The following EPB41L4B variants were observed in gnomAD, a reference collection of about 807,000 sequenced individuals.
The protein encoded by EPB41L4B is band 4.1-like protein 4B.
A neutral mutation model predicts 112.5 loss-of-function variants in EPB41L4B; 30 were observed. That is an observed-to-expected ratio of 0.27 (90% confidence interval 0.20 to 0.36). The LOEUF is 0.36. Among genes scored for constraint, EPB41L4B ranks in the 10% least tolerant of loss-of-function variants. The pLI, the probability that EPB41L4B is intolerant of heterozygous loss-of-function variation, is 1.00. For synonymous variants in EPB41L4B, 408 were observed against 439.7 expected, an observed-to-expected ratio of 0.93 and a Z score of 0.90; for missense variants, 1,024 against 1,133.3, an observed-to-expected ratio of 0.90 and a Z score of 1.38.
At chr9:109,175,513 A>ACG (rs1491205014) in intron 25 of EPB41L4B, among the ~76,000 whole-genome samples, 2 of 146,318 alleles carry the variant, frequency 1.4e-5, no homozygotes, top group Non-Finnish European at 3.0e-5. Context: ...ACACACACAC[A>ACG]GAGTAAATAC....
intron 2 of EPB41L4B, among the ~76,000 whole-genome samples, chr9:109,274,914 T>C (rs1835755128): frequency 6.6e-6 from 1 of 152,186 alleles, no homozygotes. Context: ...GAGAACTGGG[T>C]AAACAGCACT....
At chr9:109,301,356 A>G (rs1473148197) in intron 1 of EPB41L4B, among the ~76,000 whole-genome samples, 2 of 152,116 alleles carry the variant, frequency 1.3e-5, no homozygotes, top group African/African-American at 2.4e-5. Flanking sequence ...ATTTTTTTAT[A>G]CTTTTTTGGG....
rs772711615 is a variant in EPB41L4B at position 109,200,259 on chromosome 9, C to T, written c.2022G>A (p.Arg674=). 1.1e-5 allele frequency: 18 copies of T among 1,613,976 alleles called. No homozygotes were observed. The highest frequency in any genetic ancestry group is 1.7e-5 in the Admixed American group (1 of 59,988). The change falls in exon 20 of 26, where the codon AGG becomes AGA. Residue 674 remains arginine (R), a synonymous_variant. Coordinates refer to ENST00000374566, the MANE Select transcript of EPB41L4B (RefSeq NM_019114.5). ...ACAAACTATACTGTCTTGTTAACTT[C>T]CTCACTCGGGGAGGCTTGATTTCCG... ...EKPEIKPPRV[R]KLTRQYSFDE...
At chr9:109,214,124 T>C (rs1445870230) in intron 16 of EPB41L4B, among the ~76,000 whole-genome samples, 2 of 152,196 alleles carry the variant, frequency 1.3e-5, no homozygotes, top group Non-Finnish European at 2.9e-5. Context: ...GCTGTGAATA[T>C]CCAATGAAGT....
In EPB41L4B at chr9:109,263,201, A is replaced by ATACC. The variant is rs1835280684; in HGVS notation, c.579-100_579-99insGGTA. ...TTTTTCAAAAGGTAGCGCTATTTAGATAATGACTTGTATTCTTAGTCATAT... is the reference window on the plus strand; with the variant it reads ...TTTTTCAAAAGGTAGCGCTATTTAGATACCTAATGACTTGTATTCTTAGTCATAT... On this transcript the variant is annotated intron_variant, in intron 5 of 25. Coordinates refer to ENST00000374566, the MANE Select transcript of EPB41L4B (RefSeq NM_019114.5). 4 of 786,264 alleles carry ATACC rather than the reference A, an allele frequency of 5.1e-6. No homozygotes were observed. The South Asian group carries it at 6.6e-5, about 13-fold the overall frequency. 48.7% of individuals were successfully genotyped at this position (786,264 alleles called of 1,614,324 possible).
intron 1 of EPB41L4B, among the ~76,000 whole-genome samples, chr9:109,284,300 C>T (rs966378737): frequency 1.3e-5 from 2 of 152,178 alleles, no homozygotes; most frequent in Non-Finnish European, 1.5e-5. Context: ...TCACTGAATG[C>T]ATTATTACTT....
At chr9:109,185,833 T>C (rs975621896) in intron 22 of EPB41L4B, among the ~76,000 whole-genome samples, 1 of 126,276 alleles carries the variant, frequency 7.9e-6, no homozygotes, top group African/African-American at 3.0e-5. Flanking sequence ...TTCTCCTTTC[T>C]GTCTTTCATC....
At chr9:109,237,835 G>A (rs910756153) in intron 15 of EPB41L4B, among the ~76,000 whole-genome samples, 2 of 152,098 alleles carry the variant, frequency 1.3e-5, no homozygotes, top group Non-Finnish European at 2.9e-5. Flanking sequence ...CCACACTGGT[G>A]GGGGCTGTAT....
At position 109,304,919 on chromosome 9, in the gene EPB41L4B, T is replaced by G. The variant is rs1451642937; in HGVS notation, c.306+15222A>C. 8.5e-5 allele frequency among the ~76,000 whole-genome samples: 13 copies of G among 152,238 alleles called. 1 individual carries two copies. Among genetic ancestry groups the G allele is most frequent in the African/African-American group, 3.1e-4 (13 of 41,512 alleles). ...ATGACGGCTCAACAGGTAGAGGGTTTCCTTTTGGGGTGATGACAATATTCC... is the reference window on the plus strand; with the variant it reads ...ATGACGGCTCAACAGGTAGAGGGTTGCCTTTTGGGGTGATGACAATATTCC... On this transcript the variant is annotated intron_variant, in intron 1 of 25. Coordinates refer to ENST00000374566, the MANE Select transcript of EPB41L4B (RefSeq NM_019114.5).
intron 7 of EPB41L4B, among the ~76,000 whole-genome samples, chr9:109,256,682 C>T (rs554544097): frequency 1.3e-5 from 2 of 152,358 alleles, no homozygotes; most frequent in South Asian, 4.1e-4. Flanking sequence ...GTGACTCACG[C>T]CTGTTATCCC....
intron 5 of EPB41L4B, 64 bp from the exon 6 acceptor site, chr9:109,263,166 A>C: frequency 3.8e-6 from 4 of 1,055,200 alleles, no homozygotes; most frequent in Non-Finnish European, 5.7e-6. Flanking sequence ...ACAAAATGTC[A>C]TTAAAATCAT....
chr9:109,300,483 A>G (rs1178692234), intron 1 of EPB41L4B: 1 of 152,168 alleles, frequency 6.6e-6, no homozygotes, highest in Non-Finnish European at 1.5e-5. Context: ...AACCATATTT[A>G]TATTATTCAA....
At chr9:109,257,561 A>T (rs1370050949) in intron 7 of EPB41L4B, among the ~76,000 whole-genome samples, 1 of 152,192 alleles carries the variant, frequency 6.6e-6, no homozygotes, top group Non-Finnish European at 1.5e-5. Context: ...CCAGAGATGC[A>T]GGTATGTGAG....
chr9:109,240,883 T>C (rs1383423181), intron 15 of EPB41L4B: 1 of 985,324 alleles, frequency 1.0e-6, no homozygotes, highest in Admixed American at 6.1e-5. Flanking sequence ...TAAAAATTAT[T>C]CCCATACTTG....
At chr9:109,316,318 G>A (rs957443474) in intron 1 of EPB41L4B, among the ~76,000 whole-genome samples, 4 of 152,214 alleles carry the variant, frequency 2.6e-5, no homozygotes, top group Non-Finnish European at 5.9e-5. Flanking sequence ...CTAACTGGCC[G>A]ACCGCACATC....
intron 13 of EPB41L4B, 69 bp from the exon 14 acceptor site, chr9:109,247,858 A>G: frequency 8.2e-7 from 1 of 1,226,482 alleles, no homozygotes; most frequent in Non-Finnish European, 1.1e-6. Flanking sequence ...ATTATTAATG[A>G]TTTATTTAAC....
At chr9:109,279,446 G>A (rs1252838223) in intron 2 of EPB41L4B, among the ~76,000 whole-genome samples, 1 of 152,066 alleles carries the variant, frequency 6.6e-6, no homozygotes, top group East Asian at 1.9e-4. Context: ...TGAACTCCTG[G>A]ACTCAAGCAA....
intron 19 of EPB41L4B, 36 bp from the exon 20 acceptor site, chr9:109,200,370 A>G (rs1348271335): frequency 6.4e-7 from 1 of 1,550,546 alleles, no homozygotes; most frequent in Non-Finnish European, 8.9e-7. Context: ...AATACCATCA[A>G]AAAAGGTTTA....
chr9:109,294,718 A>T (rs1246856850), intron 1 of EPB41L4B, among the ~76,000 whole-genome samples: 1 of 151,276 alleles, frequency 6.6e-6, no homozygotes, highest in African/African-American at 2.4e-5. Context: ...ATAAGTATTT[A>T]TTAGTGAATA....
Sources: allele counts gnomAD v4.1 joint callset (sites outside exome capture counted in the v4.1 genomes callset), GRCh38; gene constraint gnomAD v4.1.1; transcripts MANE v1.5; gene names NCBI Gene and HGNC (gene_info 2026-07-23, HGNC 2026-07-21).